Variants in HMCN1 observed in about 807,000 individuals in gnomAD.
HMCN1 encodes the protein hemicentin 1.
A neutral mutation model predicts 625.9 loss-of-function variants in HMCN1; 321 were observed. The ratio of observed to expected loss-of-function variants is 0.51; its 90% CI spans 0.47 to 0.56. HMCN1 has a LOEUF of 0.56. Among genes scored for constraint, HMCN1 ranks in the 20% least tolerant of loss-of-function variants. The pLI, the probability that HMCN1 is intolerant of heterozygous loss-of-function variation, is 0.00. For synonymous variants in HMCN1, 2,425 were observed against 2,417.6 expected (o/e 1.00, Z -0.09); for missense variants, 6,588 against 6,887.3 (o/e 0.96, Z 1.54).
chr1:185,806,515 G>A (rs191351675), intron 1 of HMCN1, among the ~76,000 whole-genome samples: 78 of 140,806 alleles, frequency 5.5e-4, no homozygotes, highest in Admixed American at 4.2e-3. Flanking sequence ...CCACTTCGCT[G>A]TAGCCTGGGC....
intron 50 of HMCN1, 124 bp downstream of exon 50, chr1:186,068,131 GCCTGGTT>G: frequency 1.0e-6 from 1 of 958,292 alleles, no homozygotes; most frequent in Non-Finnish European, 1.7e-6. Flanking sequence ...GTTCTGTGCA[GCCTGGTT>G]CCTAATAGGC....
At chr1:185,914,928 T>C (rs1015202638) in intron 6 of HMCN1, among the ~76,000 whole-genome samples, 13 of 152,010 alleles carry the variant, frequency 8.6e-5, no homozygotes, top group Non-Finnish European at 1.9e-4. Context: ...AATTAATACA[T>C]TTATTCTGAG....
At chr1:185,990,465 G>A (rs1174471750) in intron 22 of HMCN1, 22 bp downstream of exon 22, 21 of 1,609,606 alleles carry the variant, frequency 1.3e-5, no homozygotes, top group Non-Finnish European at 1.6e-5. Context: ...GGGATGAATT[G>A]CAACACATGA....
chr1:186,115,124 A>G, intron 74 of HMCN1, 134 bp from the exon 75 acceptor site: 1 of 1,377,936 alleles, frequency 7.3e-7, no homozygotes, highest in South Asian at 1.2e-5. Flanking sequence ...CAGCACTATT[A>G]AAATTTGCAG....
intron 20 of HMCN1, among the ~76,000 whole-genome samples, chr1:185,989,163 T>A (rs140561202): frequency 0.015 from 2,274 of 151,820 alleles, 56 homozygotes; most frequent in African/African-American, 0.05. Context: ...GCCTGCCACC[T>A]CGCCCGGCTA....
At chr1:186,054,257 A>G (rs1357866047) in intron 44 of HMCN1, among the ~76,000 whole-genome samples, 2 of 151,968 alleles carry the variant, frequency 1.3e-5, no homozygotes, top group Admixed American at 1.3e-4. Context: ...GATAGTGGAC[A>G]TGTGGAGGGG....
chr1:185,911,630 T>G, intron 5 of HMCN1, 44 bp from the exon 6 acceptor site: 3 of 1,329,872 alleles, frequency 2.3e-6, no homozygotes, highest in African/African-American at 1.4e-5. Context: ...TATACATAGC[T>G]GAGAGAAGGA....
intron 36 of HMCN1, 100 bp downstream of exon 36, chr1:186,023,253 GTTTAT>G (rs1352404758): frequency 6.0e-6 from 5 of 837,640 alleles, no homozygotes; most frequent in Non-Finnish European, 9.1e-6. Flanking sequence ...AGAAACAGGT[GTTTAT>G]TTTCTTAGTC....
intron 4 of HMCN1, among the ~76,000 whole-genome samples, chr1:185,880,434 A>T (rs559732359): frequency 6.6e-6 from 1 of 152,220 alleles, no homozygotes; most frequent in Non-Finnish European, 1.5e-5. Flanking sequence ...ACTTTCACTG[A>T]TATATCATGC....
chr1:186,007,741 G>A (rs565218393), intron 30 of HMCN1, among the ~76,000 whole-genome samples: 1 of 152,218 alleles, frequency 6.6e-6, no homozygotes, highest in African/African-American at 2.4e-5. Flanking sequence ...TTGTGCTACT[G>A]TTTTCTCCCA....
chr1:186,015,119 A>C, intron 30 of HMCN1, 40 bp from the exon 31 acceptor site: 1 of 1,584,644 alleles, frequency 6.3e-7, no homozygotes, highest in Non-Finnish European at 8.7e-7. Flanking sequence ...GAAGATGCTG[A>C]AACTTAGATG....
chr1:186,185,309 G>C (rs186829800), intron 105 of HMCN1, among the ~76,000 whole-genome samples: 1 of 152,222 alleles, frequency 6.6e-6, no homozygotes, highest in East Asian at 1.9e-4. Flanking sequence ...AATATGAAGA[G>C]AAATTTTTTT....
At chr1:185,810,994 C>T (rs1212850382) in intron 1 of HMCN1, among the ~76,000 whole-genome samples, 2 of 152,050 alleles carry the variant, frequency 1.3e-5, no homozygotes, top group African/African-American at 4.8e-5. Context: ...AAAAACAAAC[C>T]CATCCCACAC....
At chr1:185,758,069 A>G (rs1406341258) in intron 1 of HMCN1, among the ~76,000 whole-genome samples, 1 of 152,218 alleles carries the variant, frequency 6.6e-6, no homozygotes, top group Non-Finnish European at 1.5e-5. Flanking sequence ...GAAAATGTCT[A>G]CAGTGTGACT....
intron 2 of HMCN1, among the ~76,000 whole-genome samples, chr1:185,863,821 CAG>C (rs757010305): frequency 3.3e-5 from 5 of 152,256 alleles, no homozygotes; most frequent in Admixed American, 6.5e-5. Flanking sequence ...GAATGACAAA[CAG>C]AATGCATTTT....
chr1:186,144,438 G>A, intron 90 of HMCN1, 95 bp downstream of exon 90: 1 of 1,604,134 alleles, frequency 6.2e-7, no homozygotes, highest in Non-Finnish European at 8.5e-7. Flanking sequence ...TTCTAACTGT[G>A]CCCACAAGAA....
At chr1:185,831,342 T>G (rs1233287249) in intron 1 of HMCN1, among the ~76,000 whole-genome samples, 1 of 152,130 alleles carries the variant, frequency 6.6e-6, no homozygotes, top group Non-Finnish European at 1.5e-5. Context: ...AAGGCTTGAT[T>G]TAATTTAAAT....
At chr1:186,083,612 A>G (rs1455318518) in intron 57 of HMCN1, among the ~76,000 whole-genome samples, 2 of 152,010 alleles carry the variant, frequency 1.3e-5, no homozygotes, top group Admixed American at 1.3e-4. Context: ...AATCATTATA[A>G]AAGATCTCCT....
At chr1:186,144,152 T>C (rs1407036238) in intron 89 of HMCN1, 21 bp from the exon 90 acceptor site, 5 of 1,564,072 alleles carry the variant, frequency 3.2e-6, no homozygotes, top group South Asian at 1.2e-5. Flanking sequence ...GACTTGCAAC[T>C]GTCTTTTGGG....
Sources: allele counts gnomAD v4.1 joint callset (sites outside exome capture counted in the v4.1 genomes callset), GRCh38; gene constraint gnomAD v4.1.1; transcripts MANE v1.5; gene names NCBI Gene and HGNC (gene_info 2026-07-23, HGNC 2026-07-21).